PHKA2: variants seen among roughly 807,000 people sequenced by gnomAD.
PHKA2 encodes the protein phosphorylase kinase regulatory subunit alpha 2.
PHKA2 carries 31 observed loss-of-function variants against 102.0 expected under a neutral mutation model. The observed-to-expected ratio is 0.30, with a 90% CI of 0.23 to 0.41. PHKA2 has a LOEUF of 0.41. Ranked by LOEUF, PHKA2 falls within the 10% of genes least tolerant of loss-of-function variation. PHKA2 has a pLI of 1.00. For missense variants in PHKA2, 858 were observed against 1,023.1 expected, an observed-to-expected ratio of 0.84 and a Z score of 2.20; for synonymous variants, 455 against 416.2, an observed-to-expected ratio of 1.09 and a Z score of -1.13.
chrX:18,921,476 CAACTT>C (rs1277901963), intron 17 of PHKA2, among the ~76,000 whole-genome samples: 1 of 112,140 alleles, frequency 8.9e-6, no homozygotes, highest in Non-Finnish European at 1.9e-5. Flanking sequence ...AACTGTGACT[CAACTT>C]ATCAAGAACT....
At chrX:18,964,133 T>G (rs1330090634) in intron 1 of PHKA2, among the ~76,000 whole-genome samples, 1 of 111,658 alleles carries the variant, frequency 9.0e-6, no homozygotes, top group Non-Finnish European at 1.9e-5. Context: ...CCTGATCACC[T>G]GATCACCTGA....
intron 32 of PHKA2, 23 bp from the exon 33 acceptor site, chrX:18,893,678 G>T (rs201221654): frequency 8.0e-5 from 95 of 1,193,794 alleles, no homozygotes; most frequent in Non-Finnish European, 1.1e-4. Flanking sequence ...AGGGCAGAGG[G>T]GACAATAAGC....
At chrX:18,956,577 C>T (rs1327291942) in intron 1 of PHKA2, among the ~76,000 whole-genome samples, 1 of 112,339 alleles carries the variant, frequency 8.9e-6, no homozygotes, top group Non-Finnish European at 1.9e-5. Context: ...ACTCTTTAGA[C>T]ACGCTTAACT....
chrX:18,981,412 G>T (rs1417378889), intron 1 of PHKA2, among the ~76,000 whole-genome samples: 3 of 111,592 alleles, frequency 2.7e-5, no homozygotes, highest in African/African-American at 9.8e-5. Context: ...TCATTAAAAT[G>T]TTGGGGAGGA....
At chrX:18,922,819 A>G (rs1184311533) in intron 17 of PHKA2, among the ~76,000 whole-genome samples, 1 of 111,357 alleles carries the variant, frequency 9.0e-6, no homozygotes, top group Non-Finnish European at 1.9e-5. Context: ...ACTGAACTAT[A>G]CACTTACAAA....
intron 13 of PHKA2, 25 bp from the exon 14 acceptor site, chrX:18,926,612 C>T (rs374518920): frequency 1.2e-5 from 14 of 1,199,744 alleles, no homozygotes; most frequent in Non-Finnish European, 1.6e-5. Context: ...ACAGAATGAG[C>T]GTTAGCTCAT....
chrX:18,924,519 C>T lies in PHKA2; in HGVS notation c.1576G>A (p.Asp526Asn), dbSNP rs778051353. ...AGGGCCAGGTAGAAGTGATGCTGGT[C>T]GGTGAACTGAAAGTCAGAGGAGGCT... ...QIFTFTPQFT[D>N]QHHFYLALDN... Residue 526 changes from aspartate to asparagine, a missense_variant, in exon 16 of 33, where the codon GAC becomes AAC. Asp to Asn is a conservative substitution (Grantham distance 23). Around this residue, in one of 2 missense-constraint regions of PHKA2, gnomAD observed 671 missense variants for 745.2 expected, o/e 0.90. Coordinates refer to ENST00000379942, the MANE Select transcript of PHKA2 (RefSeq NM_000292.3). The T allele has an allele frequency of 1.5e-4, 178 of 1,208,938 alleles. No homozygotes were observed. Among genetic ancestry groups the T allele is most frequent in the Non-Finnish European group, 2.0e-4 (175 of 894,561 alleles).
Position 18,936,164 on chromosome X carries a change from C to T in PHKA2, c.1042-14G>A, listed in dbSNP as rs374768187. 1.8e-6 allele frequency: 2 copies of T among 1,099,559 alleles called. No homozygotes were observed. The highest frequency in any genetic ancestry group is 2.5e-6 in the Non-Finnish European group (2 of 797,397). 90.6% of individuals were successfully genotyped at this position (1,099,559 alleles called of 1,213,427 possible). A position where few individuals can be genotyped will look rare whatever the true frequency, so the allele number is the denominator to read the frequency against. On this transcript the variant is annotated splice_polypyrimidine_tract_variant and intron_variant, in intron 10 of 32. Coordinates refer to ENST00000379942, the MANE Select transcript of PHKA2 (RefSeq NM_000292.3). ...GTATTCTTGGACCTGGAAAACAGCC[C>T]CATCATCCATGGCAGGAAGGAGGTC...
chrX:18,936,715 G>T (rs2147948283), intron 10 of PHKA2, among the ~76,000 whole-genome samples: 1 of 112,296 alleles, frequency 8.9e-6, no homozygotes, highest in South Asian at 3.7e-4. Flanking sequence ...GGATGGAATT[G>T]GAGGTCAGTG....
At chrX:18,975,710 A>T (rs1487959321) in intron 1 of PHKA2, among the ~76,000 whole-genome samples, 5 of 110,962 alleles carry the variant, frequency 4.5e-5, no homozygotes, top group African/African-American at 1.6e-4. Flanking sequence ...TGTTGTCTCT[A>T]CCTTCGAAAT....
Position 18,897,156 on chromosome X carries a change from G to T in PHKA2, c.3282+7C>A, listed in dbSNP as rs200325685. 7.4e-6 allele frequency: 9 copies of T among 1,210,742 alleles called. No homozygotes were observed. The highest frequency in any genetic ancestry group is 6.5e-5 in the Admixed American group (3 of 46,046). ...TCACTTCCCCAGGAGCTCGCGTCTC[G>T]GCTTACCTTCTGGAGGATCTTCCAC... On this transcript the variant is annotated splice_region_variant and intron_variant, in intron 30 of 32. Coordinates refer to ENST00000379942, the MANE Select transcript of PHKA2 (RefSeq NM_000292.3).
chrX:18,942,589 C>A (rs2048510393), intron 7 of PHKA2, among the ~76,000 whole-genome samples: 1 of 111,023 alleles, frequency 9.0e-6, no homozygotes, highest in African/African-American at 3.3e-5. Flanking sequence ...ATGCCTGCAA[C>A]CCCAGAGCTT....
chrX:18,974,442 T>C (rs941936719), intron 1 of PHKA2, among the ~76,000 whole-genome samples: 5 of 112,319 alleles, frequency 4.5e-5, no homozygotes, highest in African/African-American at 1.6e-4. Flanking sequence ...TACTTGACCT[T>C]GTCTCATTAT....
At chrX:18,913,663 TG>T (rs2147877583) in intron 19 of PHKA2, among the ~76,000 whole-genome samples, 1 of 112,440 alleles carries the variant, frequency 8.9e-6, no homozygotes, top group Non-Finnish European at 1.9e-5. Flanking sequence ...CCTAAAGTGC[TG>T]GGATTACAGG....
intron 1 of PHKA2, among the ~76,000 whole-genome samples, chrX:18,959,152 T>C (rs967565151): frequency 1.8e-5 from 2 of 112,326 alleles, no homozygotes; most frequent in African/African-American, 6.5e-5. Context: ...CTTGAGCAAA[T>C]GACTTCGGTG....
rs761350861 is a variant in PHKA2 at position 18,926,423 on chromosome X, A to G, written c.1459+30T>C. On this transcript the variant is annotated intron_variant, in intron 14 of 32. Coordinates refer to ENST00000379942, the MANE Select transcript of PHKA2 (RefSeq NM_000292.3). ...CTAGAACCGAGATGCCCCCATGCCA[A>G]AAAGGCCCAGGTAATTTCCCCAAAC... 6 of 1,172,166 alleles carry G rather than the reference A, an allele frequency of 5.1e-6. No individual in the cohort carries two copies. The East Asian group carries it at 1.8e-4, about 35-fold the overall frequency.
In PHKA2 at chrX:18,926,484, G is replaced by A. The variant is rs370668371; in HGVS notation, c.1428C>T (p.Gly476=). The change falls in exon 14 of 33, where the codon GGC becomes GGT. Residue 476 remains glycine, a synonymous_variant. Coordinates refer to ENST00000379942, the MANE Select transcript of PHKA2 (RefSeq NM_000292.3). ...ADIHPIQVQP[G]RILSHIYAKL... ...TGGCATATATGTGACTAAGAATCCG[G>A]CCCGGCTGGACTTGAATTGGATGAA... 4 of 1,203,121 alleles carry A rather than the reference G, an allele frequency of 3.3e-6. No individual in the cohort carries two copies. In the African/African-American group the frequency reaches 7.0e-5, roughly 21 times the overall value.
intron 5 of PHKA2, among the ~76,000 whole-genome samples, chrX:18,947,942 C>G (rs1358360291): frequency 9.9e-5 from 11 of 111,544 alleles, no homozygotes; most frequent in Non-Finnish European, 2.1e-4. Context: ...TAAGTGGGAG[C>G]TAAGCTATGA....
chrX:18,897,720 TG>T (rs2047600275), intron 29 of PHKA2: 1 of 219,841 alleles, frequency 4.5e-6, no homozygotes, highest in Non-Finnish European at 8.3e-6. Context: ...ACACTGATTC[TG>T]GGCCTCAGTC....
Sources: gnomAD v4.1 joint callset for allele counts (sites outside exome capture counted in the v4.1 genomes callset) on GRCh38, gnomAD v4.1.1 for gene constraint, gnomAD v4.1.1 regional missense constraint, MANE v1.5 for transcripts, NCBI Gene and HGNC (gene_info 2026-07-23, HGNC 2026-07-21) for gene names.